The following ST3GAL6 variants were observed in gnomAD, a reference collection of about 807,000 sequenced individuals.
ST3GAL6 encodes type 2 lactosamine alpha-2,3-sialyltransferase.
Under a neutral mutation model 40.5 loss-of-function variants are expected in ST3GAL6, and 31 were observed. The observed-to-expected ratio is 0.77, with a 90% confidence interval of 0.58 to 1.03. The LOEUF is 1.03. Ranked by LOEUF, ST3GAL6 falls within the 50% of genes least tolerant of loss-of-function variation. The pLI, the probability that ST3GAL6 is intolerant of heterozygous loss-of-function variation, is 0.00. For synonymous variants in ST3GAL6, 129 were observed against 136.9 expected, an observed-to-expected ratio of 0.94 and a Z score of 0.40; for missense variants, 357 against 393.2, an observed-to-expected ratio of 0.91 and a Z score of 0.78.
At chr3:98,779,309 A>G (rs1400251076) in intron 5 of ST3GAL6, among the ~76,000 whole-genome samples, 2 of 152,210 alleles carry the variant, frequency 1.3e-5, no homozygotes, top group African/African-American at 4.8e-5. Context: ...GATGGGTCAC[A>G]TGGCTATGTC....
chr3:98,760,311 T>A (rs951861413), upstream of ST3GAL6, among the ~76,000 whole-genome samples: 1 of 152,200 alleles, frequency 6.6e-6, no homozygotes, highest in Non-Finnish European at 1.5e-5. Flanking sequence ...GATCAAAGGT[T>A]GGAGCTGAGA....
Position 98,791,872 on chromosome 3 carries a change from C to T in ST3GAL6, c.788C>T (p.Ala263Val). ...AAACACCCAACAACAGGAATTATTG[C>T]CATCACATTGGCGTTTTACATATGT... is the stretch of plus-strand genomic sequence containing the variant. The part of the protein sequence containing the change: ...KPKHPTTGII[A>V]ITLAFYICHE... Residue 263 changes from alanine (A) to valine (V), a missense_variant, in exon 9 of 10, where the codon GCC becomes GTC. Transcript: ENST00000483910. 6.2e-7 allele frequency: 1 copy of T among 1,613,416 alleles called. No homozygotes were observed. Among genetic ancestry groups the T allele is most frequent in the Admixed American group, 1.7e-5 (1 of 59,908 alleles).
intron 8 of ST3GAL6, among the ~76,000 whole-genome samples, chr3:98,789,360 C>T (rs1036169258): frequency 6.6e-6 from 1 of 152,230 alleles, no homozygotes; most frequent in African/African-American, 2.4e-5. Flanking sequence ...ATTCTCTTCC[C>T]TCTACAACCC....
At chr3:98,745,236 G>C (rs554568212) in intron 1 of ST3GAL6, among the ~76,000 whole-genome samples, 1 of 152,252 alleles carries the variant, frequency 6.6e-6, no homozygotes, top group African/African-American at 2.4e-5. Flanking sequence ...GTTTCACCAT[G>C]TTGGTCAGGT....
intron 5 of ST3GAL6, among the ~76,000 whole-genome samples, 186 bp downstream of exon 5, chr3:98,774,169 G>A (rs1043451246): frequency 6.6e-6 from 1 of 152,148 alleles, no homozygotes; most frequent in African/African-American, 2.4e-5. Context: ...CTGCATAACT[G>A]GTTGGCTCAA....
chr3:98,739,417 A>C (rs1358004429), intron 1 of ST3GAL6, among the ~76,000 whole-genome samples: 3 of 152,064 alleles, frequency 2.0e-5, no homozygotes, highest in African/African-American at 7.2e-5. Flanking sequence ...AAACCCATGC[A>C]AAATGCCATA....
At chr3:98,746,151 G>T (rs1321616117) in intron 1 of ST3GAL6, among the ~76,000 whole-genome samples, 2 of 152,132 alleles carry the variant, frequency 1.3e-5, no homozygotes, top group African/African-American at 4.8e-5. Flanking sequence ...CATCTGCTTG[G>T]TCGGTTTTCT....
Position 98,768,528 on chromosome 3 carries a change from T to A in ST3GAL6, c.88T>A (p.Trp30Arg), listed in dbSNP as rs1285058666. 2 of 1,604,148 alleles carry A rather than the reference T, an allele frequency of 1.2e-6. No individual in the cohort carries two copies. Among genetic ancestry groups the A allele is most frequent in the Non-Finnish European group, 1.7e-6 (2 of 1,171,550 alleles). Reference protein sequence around the residue: ...HCILWGTNVYWVAPVEMKRRN... With the variant: ...HCILWGTNVYRVAPVEMKRRN... ...CATATTATGGGGAACGAATGTCTATTGGTAAGTTTCATTTTGTTATTTAAA... is the reference window on the plus strand; with the variant it reads ...CATATTATGGGGAACGAATGTCTATAGGTAAGTTTCATTTTGTTATTTAAA... The change falls in exon 2 of 10, where the codon TGG (tryptophan) becomes AGG (arginine). Residue 30 changes from tryptophan to arginine, a missense_variant and splice_region_variant. Physicochemically the swap from Trp to Arg is moderately radical, Grantham distance 101. Coordinates refer to ENST00000483910, the MANE Select transcript of ST3GAL6 (RefSeq NM_001323368.2).
At position 98,782,854 on chromosome 3, in the gene ST3GAL6, G is replaced by A; in HGVS notation, c.336-2091G>A. 2 of 479,366 alleles carry A rather than the reference G, an allele frequency of 4.2e-6. 1 individual carries two copies. The highest frequency in any genetic ancestry group is 3.3e-5 in the South Asian group (2 of 60,042). The allele number at this position is 479,366 out of a possible 1,614,324, so 29.7% of individuals were successfully genotyped here. Reference sequence around the variant, plus strand: ...AACAGTCTACCTCTTTCCTGATTTTGCAGGAAATCCTGGAGTCTGAGATAA... The same window carrying A: ...AACAGTCTACCTCTTTCCTGATTTTACAGGAAATCCTGGAGTCTGAGATAA... On this transcript the variant is annotated intron_variant, in intron 5 of 9. Transcript: ENST00000483910.
intron 6 of ST3GAL6, among the ~76,000 whole-genome samples, chr3:98,786,463 A>G (rs1489950758): frequency 2.0e-5 from 3 of 152,274 alleles, no homozygotes; most frequent in Middle Eastern, 3.4e-3. Flanking sequence ...AGTGGTGACC[A>G]TTGGACTGGT....
intron 6 of ST3GAL6, 108 bp from the exon 7 acceptor site, chr3:98,787,928 C>A: frequency 3.3e-6 from 3 of 916,238 alleles, no homozygotes; most frequent in Non-Finnish European, 4.8e-6. Flanking sequence ...CTTCAGAGCA[C>A]AGGATAAAAG....
At chr3:98,769,311 G>C (rs1938712045) in intron 2 of ST3GAL6, among the ~76,000 whole-genome samples, 2 of 152,208 alleles carry the variant, frequency 1.3e-5, no homozygotes, top group South Asian at 4.1e-4. Context: ...TTCATGGAAG[G>C]ACGTTAGGCA....
At chr3:98,741,137 A>G (rs1190850578) in intron 1 of ST3GAL6, among the ~76,000 whole-genome samples, 2 of 150,988 alleles carry the variant, frequency 1.3e-5, no homozygotes, top group Admixed American at 1.3e-4. Context: ...GAAAATCTGT[A>G]GGTTGAATAG....
At chr3:98,788,515 A>T (rs1316459742) in intron 8 of ST3GAL6, 52 bp downstream of exon 8, 1 of 1,522,196 alleles carries the variant, frequency 6.6e-7, no homozygotes. Flanking sequence ...CTGAGGTAGG[A>T]TAGAGGGTCC....
At chr3:98,792,168 G>T (rs1472267034) in intron 9 of ST3GAL6, among the ~76,000 whole-genome samples, 175 bp downstream of exon 9, 3 of 152,130 alleles carry the variant, frequency 2.0e-5, no homozygotes, top group Admixed American at 2.0e-4. Flanking sequence ...TCATGTCCAG[G>T]ATCATTTTAC....
intron 1 of ST3GAL6, among the ~76,000 whole-genome samples, chr3:98,743,134 A>C (rs912013716): frequency 1.5e-4 from 22 of 149,440 alleles, no homozygotes; most frequent in Non-Finnish European, 2.8e-4. Flanking sequence ...TAGCCTCTGG[A>C]GTAGCTAGGA....
chr3:98,792,017 T>C (rs371772452), intron 9 of ST3GAL6, 24 bp downstream of exon 9: 37 of 1,579,320 alleles, frequency 2.3e-5, no homozygotes, highest in Non-Finnish European at 3.2e-5. Flanking sequence ...CTTTAGGTAA[T>C]ATACATATGC....
chr3:98,775,474 CAAAAAAAAAA>C (rs34588217), intron 5 of ST3GAL6, among the ~76,000 whole-genome samples: 1 of 125,028 alleles, frequency 8.0e-6, no homozygotes, highest in Non-Finnish European at 1.7e-5. Flanking sequence ...GACTTCGTCT[CAAAAAAAAAA>C]AAAAAAGATA....
At chr3:98,788,498 G>C in intron 8 of ST3GAL6, 35 bp downstream of exon 8, 1 of 1,564,630 alleles carries the variant, frequency 6.4e-7, no homozygotes. Flanking sequence ...TCAAACTACA[G>C]ATCTGGCTGA....
Sources: allele counts gnomAD v4.1 joint callset (sites outside exome capture counted in the v4.1 genomes callset), GRCh38; gene constraint gnomAD v4.1.1; transcripts MANE v1.5; gene names NCBI Gene and HGNC (gene_info 2026-07-23, HGNC 2026-07-21).